The following SLC9A9 variants were observed in gnomAD, a reference collection of about 807,000 sequenced individuals.
SLC9A9 encodes the protein solute carrier family 9 member A9.
Under a neutral mutation model 77.8 loss-of-function variants are expected in SLC9A9, and 62 were observed. That is an observed-to-expected ratio of 0.80 (90% CI 0.65 to 0.98). The LOEUF is 0.98. Ranked by LOEUF, SLC9A9 falls within the 50% of genes least tolerant of loss-of-function variation. SLC9A9 has a pLI of 0.00. For synonymous variants in SLC9A9, 320 were observed against 283.5 expected (o/e 1.13, Z -1.29); for missense variants, 775 against 774.9 (o/e 1.00, Z 0.00).
intron 11 of SLC9A9, among the ~76,000 whole-genome samples, chr3:143,480,801 T>A (rs991339647): frequency 1.1e-4 from 16 of 152,196 alleles, no homozygotes; most frequent in African/African-American, 2.9e-4. Context: ...GAAGGAGATG[T>A]AGCATGGGAA....
intron 12 of SLC9A9, among the ~76,000 whole-genome samples, chr3:143,422,610 G>A (rs1401774179): frequency 6.6e-6 from 1 of 152,100 alleles, no homozygotes; most frequent in Non-Finnish European, 1.5e-5. Context: ...GGAGGGAGGA[G>A]GGAAGAAAGG....
chr3:143,738,101 G>A (rs562329551), intron 4 of SLC9A9, among the ~76,000 whole-genome samples: 2 of 152,274 alleles, frequency 1.3e-5, no homozygotes, highest in South Asian at 4.1e-4. Flanking sequence ...CTGATATGCT[G>A]CATGCAATTT....
intron 14 of SLC9A9, among the ~76,000 whole-genome samples, chr3:143,330,460 C>T (rs1053361583): frequency 1.3e-5 from 2 of 152,126 alleles, no homozygotes; most frequent in Non-Finnish European, 2.9e-5. Flanking sequence ...ATGTGTTTCT[C>T]ATTAATCTTC....
intron 14 of SLC9A9, among the ~76,000 whole-genome samples, chr3:143,328,983 A>G (rs1306231558): frequency 6.6e-6 from 1 of 152,156 alleles, no homozygotes; most frequent in African/African-American, 2.4e-5. Context: ...CTTATTGCCT[A>G]CTGTGTGCCC....
At chr3:143,797,367 G>A (rs1184295143) in intron 2 of SLC9A9, among the ~76,000 whole-genome samples, 2 of 152,078 alleles carry the variant, frequency 1.3e-5, no homozygotes, top group Non-Finnish European at 2.9e-5. Flanking sequence ...TCTAGTATTT[G>A]TTTATTGGGT....
intron 5 of SLC9A9, among the ~76,000 whole-genome samples, chr3:143,688,673 G>A (rs1411162217): frequency 1.3e-5 from 2 of 152,046 alleles, no homozygotes; most frequent in Non-Finnish European, 2.9e-5. Flanking sequence ...TAACCCTGGG[G>A]ATAGAGCAGT....
intron 4 of SLC9A9, among the ~76,000 whole-genome samples, chr3:143,740,100 T>C (rs1256692563): frequency 6.6e-6 from 1 of 152,210 alleles, no homozygotes; most frequent in East Asian, 1.9e-4. Context: ...AGATCCTGGA[T>C]ATCTCTAGAT....
intron 11 of SLC9A9, among the ~76,000 whole-genome samples, chr3:143,475,235 G>A (rs181710714): frequency 3.0e-3 from 455 of 151,528 alleles, no homozygotes; most frequent in South Asian, 6.1e-3. Flanking sequence ...CCAAAGTGCT[G>A]GGATTACAGG....
intron 12 of SLC9A9, among the ~76,000 whole-genome samples, chr3:143,389,089 C>T (rs964564656): frequency 3.3e-5 from 5 of 152,098 alleles, no homozygotes; most frequent in South Asian, 2.1e-4. Flanking sequence ...TTGGATGACA[C>T]CAGAAAGTAA....
At chr3:143,587,141 G>A (rs191185217) in intron 6 of SLC9A9, among the ~76,000 whole-genome samples, 23 of 152,242 alleles carry the variant, frequency 1.5e-4, no homozygotes, top group Non-Finnish European at 2.9e-4. Context: ...TGGCTTCCTC[G>A]GGAATAACGC....
chr3:143,704,316 T>G, intron 4 of SLC9A9, among the ~76,000 whole-genome samples: 1 of 152,134 alleles, frequency 6.6e-6, no homozygotes, highest in East Asian at 1.9e-4. Flanking sequence ...TTGATGCAAA[T>G]ATCTTCAGCA....
At chr3:143,808,341 A>G (rs1024106820) in intron 2 of SLC9A9, among the ~76,000 whole-genome samples, 1 of 152,260 alleles carries the variant, frequency 6.6e-6, no homozygotes, top group Non-Finnish European at 1.5e-5. Flanking sequence ...CAATCAACTC[A>G]GAAGCTGAAA....
At chr3:143,354,492 G>A (rs567201866) in intron 14 of SLC9A9, among the ~76,000 whole-genome samples, 7 of 152,160 alleles carry the variant, frequency 4.6e-5, no homozygotes, top group South Asian at 2.1e-4. Context: ...TGCAGTCTGC[G>A]AGCTAGACCC....
chr3:143,398,509 A>G (rs146942921), intron 12 of SLC9A9, among the ~76,000 whole-genome samples: 9 of 152,334 alleles, frequency 5.9e-5, no homozygotes, highest in Non-Finnish European at 1.3e-4. Flanking sequence ...TGTATTATAT[A>G]AAACATATGG....
intron 1 of SLC9A9, among the ~76,000 whole-genome samples, chr3:143,846,730 GGT>G (rs1491429428): frequency 3.0e-4 from 4 of 13,116 alleles, no homozygotes; most frequent in Non-Finnish European, 4.9e-4. Context: ...AGCAAAAAAA[GGT>G]TTTTTTTTTT....
chr3:143,507,093 T>G (rs1163359260), intron 9 of SLC9A9, among the ~76,000 whole-genome samples: 1 of 146,378 alleles, frequency 6.8e-6, no homozygotes, highest in African/African-American at 2.4e-5. Flanking sequence ...AGATTTTGTT[T>G]TTTAGAGCAA....
chr3:143,684,592 G>A (rs143538732), intron 5 of SLC9A9, among the ~76,000 whole-genome samples: 4 of 152,090 alleles, frequency 2.6e-5, no homozygotes, highest in Non-Finnish European at 5.9e-5. Context: ...AGTAATGGGT[G>A]TTTCAAAAAC....
At chr3:143,436,814 T>C (rs1321108170) in intron 12 of SLC9A9, among the ~76,000 whole-genome samples, 2 of 152,234 alleles carry the variant, frequency 1.3e-5, no homozygotes, top group Non-Finnish European at 2.9e-5. Flanking sequence ...ATGAGTTGGC[T>C]GTGTCTTTGT....
intron 6 of SLC9A9, among the ~76,000 whole-genome samples, chr3:143,591,463 C>T (rs1240959018): frequency 2.0e-5 from 3 of 152,188 alleles, no homozygotes; most frequent in African/African-American, 4.8e-5. Flanking sequence ...TGTTTCTAGG[C>T]GTTGCCATGA....
Sources: allele counts gnomAD v4.1 joint callset (sites outside exome capture counted in the v4.1 genomes callset), GRCh38; gene constraint gnomAD v4.1.1; transcripts MANE v1.5; gene names NCBI Gene and HGNC (gene_info 2026-07-23, HGNC 2026-07-21).